KIAA1671: variants seen among roughly 807,000 people sequenced by gnomAD.
KIAA1671 encodes KIAA1671.
Under a neutral mutation model 131.2 loss-of-function variants are expected in KIAA1671, and 52 were observed. The observed-to-expected ratio is 0.40, with a 90% CI of 0.32 to 0.50. The LOEUF (loss-of-function observed/expected upper bound fraction) is 0.50. Ranked by LOEUF, KIAA1671 falls within the 20% of genes least tolerant of loss-of-function variation. The pLI is 0.73. For missense variants in KIAA1671, 2,360 were observed against 2,364.2 expected (o/e 1.00, Z 0.04); for synonymous variants, 1,003 against 961.6 (o/e 1.04, Z -0.80).
intron 6 of KIAA1671, among the ~76,000 whole-genome samples, chr22:25,066,266 A>C (rs764207040): frequency 6.6e-6 from 1 of 152,192 alleles, no homozygotes; most frequent in Non-Finnish European, 1.5e-5. Context: ...CTCCTACCTC[A>C]GCCTCCTGAG....
intron 11 of KIAA1671, among the ~76,000 whole-genome samples, chr22:25,186,810 T>G (rs1370504396): frequency 6.6e-6 from 1 of 152,174 alleles, no homozygotes; most frequent in Non-Finnish European, 1.5e-5. Context: ...GGTGAGACAT[T>G]AGAGAAAGAC....
intron 6 of KIAA1671, among the ~76,000 whole-genome samples, chr22:25,080,807 G>A (rs1929364046): frequency 6.6e-6 from 1 of 152,032 alleles, no homozygotes; most frequent in Non-Finnish European, 1.5e-5. Context: ...ATGTAAAATA[G>A]ATTGCTTTTT....
intron 1 of KIAA1671, among the ~76,000 whole-genome samples, chr22:24,963,662 C>T (rs918999982): frequency 7.9e-5 from 12 of 151,946 alleles, no homozygotes; most frequent in South Asian, 6.2e-4. Context: ...GGAGATAGGC[C>T]GGGTGCGGTG....
intron 6 of KIAA1671, among the ~76,000 whole-genome samples, chr22:25,123,462 G>A (rs998789865): frequency 6.6e-6 from 1 of 152,148 alleles, no homozygotes; most frequent in Non-Finnish European, 1.5e-5. Context: ...AAAGTGCTGG[G>A]ATTACAGGCG....
At chr22:25,093,839 T>TCC (rs1930253704) in intron 6 of KIAA1671, among the ~76,000 whole-genome samples, 1 of 39,468 alleles carries the variant, frequency 2.5e-5, no homozygotes, top group African/African-American at 8.3e-5. Flanking sequence ...TCTCTGTCTG[T>TCC]CTCTCTCTCT....
At chr22:25,017,383 A>G (rs1324331092) in intron 1 of KIAA1671, among the ~76,000 whole-genome samples, 2 of 152,078 alleles carry the variant, frequency 1.3e-5, no homozygotes, top group African/African-American at 4.8e-5. Context: ...ACTCCATCTC[A>G]AACAAACAAA....
At chr22:25,159,121 G>T (rs1266219431) in intron 6 of KIAA1671, among the ~76,000 whole-genome samples, 1 of 152,140 alleles carries the variant, frequency 6.6e-6, no homozygotes. Flanking sequence ...GGGCCTCCCA[G>T]CCCAGCTGTT....
chr22:25,117,510 A>C (rs1931725302), intron 6 of KIAA1671, among the ~76,000 whole-genome samples: 1 of 150,106 alleles, frequency 6.7e-6, no homozygotes, highest in Non-Finnish European at 1.5e-5. Context: ...GCCGAGTGGG[A>C]GTATTTGCTT....
In KIAA1671 at chr22:25,164,978, CGTGTGTGT is replaced by C. The variant is rs59765745; in HGVS notation, c.4531-5805_4531-5798del. On this transcript the variant is annotated intron_variant, in intron 6 of 12. Coordinates refer to ENST00000358431, the MANE Select transcript of KIAA1671 (RefSeq NM_001145206.2). ...AAAAAAAAAGAGAGAGAGTTGCAGG[CGTGTGTGT>C]GTGTGTGTGTGTGTGTGTGTGTGTG... 3.4e-3 allele frequency among the ~76,000 whole-genome samples: 400 copies of C among 116,596 alleles called. 5 individuals carry two copies. The East Asian group carries it at 0.049, about 14-fold the overall frequency. 76.5% of individuals were successfully genotyped at this position (116,596 alleles called of 152,430 possible). A position where few individuals can be genotyped will look rare whatever the true frequency, so the allele number is the denominator to read the frequency against.
In KIAA1671 at chr22:25,190,814, G is replaced by C. The variant is rs977313553; in HGVS notation, c.*4+30G>C. 6.9e-6 allele frequency: 10 copies of C among 1,455,398 alleles called. No individual in the cohort carries two copies. The Admixed American group carries it at 2.0e-4, about 29-fold the overall frequency. 90.2% of individuals were successfully genotyped at this position (1,455,398 alleles called of 1,614,324 possible). ...GAAGGGGCTCTGTTGGGGAACCTGG[G>C]AAGAGCCCTGCAGTCACAGGAATGG... On this transcript the variant is annotated intron_variant, in intron 12 of 12. Transcript: ENST00000358431.
chr22:25,016,073 T>G lies in KIAA1671; in HGVS notation c.-207-9560T>G, dbSNP rs1355021571. On this transcript the variant is annotated intron_variant, in intron 1 of 12. Transcript: ENST00000358431. ...TCTCGCTCTGTTGCCCAGGCTGGAG[T>G]GCAATGGTGTGATCTCGGCTCACTG... Among the ~76,000 whole-genome samples the G allele has an allele frequency of 2.0e-5, 3 of 149,184 alleles. No homozygotes were observed. In the East Asian group the frequency reaches 6.0e-4, roughly 30 times the overall value.
At chr22:25,109,825 A>T (rs1345463736) in intron 6 of KIAA1671, among the ~76,000 whole-genome samples, 1 of 152,200 alleles carries the variant, frequency 6.6e-6, no homozygotes, top group Non-Finnish European at 1.5e-5. Context: ...AATGAATGAA[A>T]GAATGAATGA....
At chr22:25,079,312 C>T (rs186015321) in intron 6 of KIAA1671, among the ~76,000 whole-genome samples, 2 of 151,998 alleles carry the variant, frequency 1.3e-5, no homozygotes, top group Non-Finnish European at 2.9e-5. Context: ...TCACTGCAAC[C>T]TCCGCCTCCT....
At chr22:24,978,391 G>A (rs186858840) in intron 1 of KIAA1671, among the ~76,000 whole-genome samples, 12 of 152,282 alleles carry the variant, frequency 7.9e-5, no homozygotes, top group Admixed American at 7.2e-4. Flanking sequence ...ATATGGAACT[G>A]TAAATCCAAT....
intron 6 of KIAA1671, among the ~76,000 whole-genome samples, chr22:25,076,258 T>C (rs1264569180): frequency 6.6e-6 from 1 of 152,088 alleles, no homozygotes; most frequent in African/African-American, 2.4e-5. Context: ...TTGGTGAATC[T>C]AGTAGCCAAT....
At chr22:24,966,304 G>C (rs1922302273) in intron 1 of KIAA1671, among the ~76,000 whole-genome samples, 1 of 152,210 alleles carries the variant, frequency 6.6e-6, no homozygotes, top group Non-Finnish European at 1.5e-5. Flanking sequence ...AGGAAATTTT[G>C]GGTCTGTAGG....
chr22:25,033,727 C>T (rs1286804616), intron 4 of KIAA1671, among the ~76,000 whole-genome samples: 6 of 151,244 alleles, frequency 4.0e-5, no homozygotes, highest in African/African-American at 4.9e-5. Flanking sequence ...TACAGGTGCC[C>T]GCCACCATGC....
intron 1 of KIAA1671, among the ~76,000 whole-genome samples, chr22:24,996,747 AG>A (rs1301458067): frequency 6.6e-6 from 1 of 152,110 alleles, no homozygotes; most frequent in Non-Finnish European, 1.5e-5. Context: ...TGTGGGAGTG[AG>A]GGATTTACCA....
chr22:25,117,585 C>CACACACACACA (rs1931730649), intron 6 of KIAA1671, among the ~76,000 whole-genome samples: 7 of 123,836 alleles, frequency 5.7e-5, no homozygotes, highest in Non-Finnish European at 3.3e-5. Context: ...TCTCCCCCAA[C>CACACACACACA]CACACACACA....
Sources: gnomAD v4.1 joint callset for allele counts (sites outside exome capture counted in the v4.1 genomes callset) on GRCh38, gnomAD v4.1.1 for gene constraint, MANE v1.5 for transcripts, NCBI Gene and HGNC (gene_info 2026-07-23, HGNC 2026-07-21) for gene names.